TOX3: variants seen among roughly 807,000 people sequenced by gnomAD.
TOX3 encodes the protein TOX high mobility group box family member 3, also known as CAG trinucleotide repeat-containing gene F9 protein.
Under a neutral mutation model 64.3 loss-of-function variants are expected in TOX3, and 22 were observed. That is an observed-to-expected ratio of 0.34 (90% confidence interval 0.24 to 0.49). The LOEUF (loss-of-function observed/expected upper bound fraction) is 0.49, where lower values mean the gene tolerates loss of function less well. Ranked by LOEUF, TOX3 falls within the 20% of genes least tolerant of loss-of-function variation. The pLI is 0.99. For synonymous variants in TOX3, 291 were observed against 273.6 expected, an observed-to-expected ratio of 1.06 and a Z score of -0.63; for missense variants, 661 against 714.4, an observed-to-expected ratio of 0.93 and a Z score of 0.85.
intron 4 of TOX3, among the ~76,000 whole-genome samples, chr16:52,449,276 T>C (rs1960261002): frequency 6.6e-6 from 1 of 152,178 alleles, no homozygotes; most frequent in African/African-American, 2.4e-5. Flanking sequence ...TTTAAGCCAT[T>C]TCGTTCTTCA....
intron 1 of TOX3, among the ~76,000 whole-genome samples, chr16:52,526,285 G>A (rs1008857138): frequency 1.3e-5 from 2 of 152,168 alleles, no homozygotes; most frequent in Non-Finnish European, 2.9e-5. Flanking sequence ...GCCAAGGCAG[G>A]AGATTACGAA....
At chr16:52,534,496 G>A (rs1037479427) in intron 1 of TOX3, among the ~76,000 whole-genome samples, 8 of 151,994 alleles carry the variant, frequency 5.3e-5, no homozygotes, top group East Asian at 1.9e-4. Flanking sequence ...AAATTAGCTG[G>A]GTATGGGGTG....
chr16:52,476,329 G>T (rs1015547659), intron 1 of TOX3, among the ~76,000 whole-genome samples: 29 of 152,142 alleles, frequency 1.9e-4, no homozygotes, highest in Non-Finnish European at 5.9e-5. Context: ...GGACACATTT[G>T]AGTCTGTGAA....
At chr16:52,491,726 A>G (rs530594203) in intron 1 of TOX3, among the ~76,000 whole-genome samples, 2 of 152,220 alleles carry the variant, frequency 1.3e-5, no homozygotes, top group African/African-American at 4.8e-5. Flanking sequence ...TGTTGATGCT[A>G]AATATGTATT....
chr16:52,478,366 C>T (rs62043288), intron 1 of TOX3, among the ~76,000 whole-genome samples: 4,931 of 152,224 alleles, frequency 0.032, 97 homozygotes, highest in Non-Finnish European at 0.048. Context: ...TCCCTTCTAT[C>T]CCTACTTTAC....
chr16:52,473,583 T>C (rs2151443069), intron 1 of TOX3, among the ~76,000 whole-genome samples: 1 of 152,262 alleles, frequency 6.6e-6, no homozygotes, highest in South Asian at 2.1e-4. Flanking sequence ...AACTACCCCC[T>C]GGAAGAGAAC....
chr16:52,501,681 C>CAAAAA (rs1213262658), intron 1 of TOX3, among the ~76,000 whole-genome samples: 6 of 140,702 alleles, frequency 4.3e-5, no homozygotes, highest in African/African-American at 1.6e-4. Flanking sequence ...AACAAACAAA[C>CAAAAA]AAAAAAAAAA....
In TOX3 at chr16:52,439,005, C is replaced by T. The variant is rs769707348; in HGVS notation, c.*220G>A. The T allele has an allele frequency of 4.0e-6, 3 of 745,852 alleles. No individual in the cohort carries two copies. The highest frequency in any genetic ancestry group is 7.1e-6 in the Non-Finnish European group (3 of 419,800). The allele number at this position is 745,852 out of a possible 1,614,324, so 46.2% of individuals were successfully genotyped here. On this transcript the variant is annotated 3_prime_UTR_variant, in exon 7 of 7. Coordinates refer to ENST00000219746, the MANE Select transcript of TOX3 (RefSeq NM_001080430.4). ...AAAGGCATCACATAAAAGAGCACAG[C>T]TTTTCTTGTTTAAAAACAAAGTGAT...
At chr16:52,541,576 C>A (rs1381899678) in intron 1 of TOX3, among the ~76,000 whole-genome samples, 2 of 152,116 alleles carry the variant, frequency 1.3e-5, no homozygotes, top group African/African-American at 2.4e-5. Flanking sequence ...TATAGACAAC[C>A]AAGCCTTTTT....
chr16:52,471,908 C>T (rs941735893), intron 1 of TOX3, among the ~76,000 whole-genome samples: 1 of 152,116 alleles, frequency 6.6e-6, no homozygotes, highest in Non-Finnish European at 1.5e-5. Flanking sequence ...GATTCAACCA[C>T]GGAAGTCTAG....
At chr16:52,540,448 G>C (rs980662716) in intron 1 of TOX3, among the ~76,000 whole-genome samples, 1 of 152,090 alleles carries the variant, frequency 6.6e-6, no homozygotes, top group Admixed American at 6.5e-5. Flanking sequence ...CTCAGTTGCA[G>C]ACACCGTTGA....
At chr16:52,516,235 T>C (rs1962451333) in intron 1 of TOX3, among the ~76,000 whole-genome samples, 1 of 152,196 alleles carries the variant, frequency 6.6e-6, no homozygotes, top group Admixed American at 6.5e-5. Context: ...ATTTAATATT[T>C]TTTATCCATT....
At chr16:52,534,184 T>C (rs574345191) in intron 1 of TOX3, among the ~76,000 whole-genome samples, 14 of 152,160 alleles carry the variant, frequency 9.2e-5, no homozygotes, top group Non-Finnish European at 1.8e-4. Context: ...TCAGGCAGCA[T>C]TAATTTTTAG....
chr16:52,535,677 T>C (rs1253647670), intron 1 of TOX3, among the ~76,000 whole-genome samples: 1 of 152,170 alleles, frequency 6.6e-6, no homozygotes, highest in Non-Finnish European at 1.5e-5. Flanking sequence ...TTTGCTATTA[T>C]GGGGGCCTCC....
chr16:52,525,588 T>C (rs1268155342), intron 1 of TOX3, among the ~76,000 whole-genome samples: 1 of 151,940 alleles, frequency 6.6e-6, no homozygotes, highest in Non-Finnish European at 1.5e-5. Context: ...AGGCAATAAC[T>C]AAAAAGAGGG....
At chr16:52,488,923 T>C (rs1961601379) in intron 1 of TOX3, among the ~76,000 whole-genome samples, 1 of 152,126 alleles carries the variant, frequency 6.6e-6, no homozygotes, top group South Asian at 2.1e-4. Context: ...ACTTTTCCTA[T>C]CCCATTTCCC....
At chr16:52,452,322 G>A (rs1960376247) in intron 3 of TOX3, among the ~76,000 whole-genome samples, 1 of 152,180 alleles carries the variant, frequency 6.6e-6, no homozygotes, top group Non-Finnish European at 1.5e-5. Flanking sequence ...CCACCTATGA[G>A]TGAGAACATG....
At chr16:52,478,354 T>A (rs1305482224) in intron 1 of TOX3, among the ~76,000 whole-genome samples, 1 of 152,162 alleles carries the variant, frequency 6.6e-6, no homozygotes, top group East Asian at 1.9e-4. Context: ...CCTGGGCCAC[T>A]CTCCCTTCTA....
At chr16:52,473,788 G>A (rs1596805072) in intron 1 of TOX3, among the ~76,000 whole-genome samples, 1 of 152,244 alleles carries the variant, frequency 6.6e-6, no homozygotes, top group South Asian at 2.1e-4. Flanking sequence ...CCAAAGGTTG[G>A]AGGTTCAACA....
Sources: gnomAD v4.1 joint callset for allele counts (sites outside exome capture counted in the v4.1 genomes callset) on GRCh38, gnomAD v4.1.1 for gene constraint, MANE v1.5 for transcripts, NCBI Gene and HGNC (gene_info 2026-07-23, HGNC 2026-07-21) for gene names.